Variants in SORCS1 observed in about 807,000 individuals in gnomAD.
SORCS1 encodes the protein VPS10 domain-containing receptor SorCS1.
A neutral mutation model predicts 146.1 loss-of-function variants in SORCS1; 60 were observed. That is an observed-to-expected ratio of 0.41 (90% CI 0.33 to 0.51). The LOEUF is 0.51. Ranked by LOEUF, SORCS1 falls within the 20% of genes least tolerant of loss-of-function variation. The probability of loss-of-function intolerance (pLI) is 0.21; values close to 1 mark genes in which losing one functional copy is unlikely to be tolerated. For missense variants in SORCS1, 1,352 were observed against 1,487.6 expected, an observed-to-expected ratio of 0.91 and a Z score of 1.50; for synonymous variants, 637 against 584.0, an observed-to-expected ratio of 1.09 and a Z score of -1.31.
chr10:107,065,284 C>T lies in SORCS1; in HGVS notation c.558+98685G>A, dbSNP rs140171780. Among the ~76,000 whole-genome samples the T allele has an allele frequency of 6.3e-4, 96 of 152,196 alleles. 1 individual carries two copies. The Middle Eastern group carries it at 0.041, about 65-fold the overall frequency. ...AGCCTAAGCGAGCTTTGCACACACT[C>T]GGTATCCCTAACTAATGTTTTGGCT... On this transcript the variant is annotated intron_variant, in intron 1 of 25. Transcript: ENST00000263054.
At chr10:106,930,260 C>T (rs1388651083) in intron 2 of SORCS1, among the ~76,000 whole-genome samples, 1 of 150,646 alleles carries the variant, frequency 6.6e-6, no homozygotes, top group African/African-American at 2.4e-5. Flanking sequence ...CCAGCCTGGG[C>T]GACAGAGCGA....
At chr10:107,129,971 G>A (rs916055811) in intron 1 of SORCS1, among the ~76,000 whole-genome samples, 2 of 152,156 alleles carry the variant, frequency 1.3e-5, no homozygotes, top group South Asian at 4.1e-4. Flanking sequence ...CCTTACAGAG[G>A]ATCCACCTCA....
chr10:106,811,772 C>G (rs1175797190), intron 3 of SORCS1, among the ~76,000 whole-genome samples: 1 of 152,146 alleles, frequency 6.6e-6, no homozygotes, highest in Non-Finnish European at 1.5e-5. Context: ...CTATTAACTC[C>G]CAGGCACCCT....
intron 4 of SORCS1, among the ~76,000 whole-genome samples, chr10:106,765,636 G>A (rs763922028): frequency 6.6e-6 from 1 of 152,046 alleles, no homozygotes; most frequent in Non-Finnish European, 1.5e-5. Context: ...GAAAGAATGG[G>A]ATGCACTGGT....
chr10:107,122,767 C>T (rs890202487), intron 1 of SORCS1, among the ~76,000 whole-genome samples: 7 of 152,166 alleles, frequency 4.6e-5, no homozygotes, highest in African/African-American at 1.7e-4. Context: ...TAGCACTTGT[C>T]TTCTCTTCTG....
Position 107,163,952 on chromosome 10 carries a change from A to G in SORCS1, c.558+17T>C, listed in dbSNP as rs1475425867. On this transcript the variant is annotated intron_variant, in intron 1 of 25. Transcript: ENST00000263054. Reference sequence around the variant, plus strand: ...TCCATCTTTCCACCCCTTTACCCTCAGTCCCATTCTACTCACGCTGCTGTT... The same window carrying G: ...TCCATCTTTCCACCCCTTTACCCTCGGTCCCATTCTACTCACGCTGCTGTT... The G allele has an allele frequency of 1.9e-6, 3 of 1,604,236 alleles. No individual in the cohort carries two copies. The highest frequency in any genetic ancestry group is 2.2e-5 in the South Asian group (2 of 90,240).
At chr10:107,106,321 A>C (rs1965301515) in intron 1 of SORCS1, among the ~76,000 whole-genome samples, 1 of 152,228 alleles carries the variant, frequency 6.6e-6, no homozygotes, top group Non-Finnish European at 1.5e-5. Context: ...TGAGTATCTC[A>C]TTCTGGTATT....
At chr10:107,036,730 G>A (rs374899454) in intron 1 of SORCS1, among the ~76,000 whole-genome samples, 2 of 152,150 alleles carry the variant, frequency 1.3e-5, no homozygotes, top group Admixed American at 6.5e-5. Context: ...TTTAAGCAGC[G>A]CTTCCTTCTC....
At chr10:106,899,995 C>A (rs952919811) in intron 2 of SORCS1, among the ~76,000 whole-genome samples, 1 of 151,816 alleles carries the variant, frequency 6.6e-6, no homozygotes, top group East Asian at 1.9e-4. Flanking sequence ...ATGAGATGTC[C>A]ATCTCTTCCT....
At chr10:106,974,855 A>C (rs1955928160) in intron 1 of SORCS1, among the ~76,000 whole-genome samples, 1 of 152,220 alleles carries the variant, frequency 6.6e-6, no homozygotes, top group African/African-American at 2.4e-5. Flanking sequence ...GGGCGGAAAC[A>C]AAACAGTTCC....
At chr10:106,636,903 G>A (rs1297459201) in intron 18 of SORCS1, among the ~76,000 whole-genome samples, 1 of 152,142 alleles carries the variant, frequency 6.6e-6, no homozygotes, top group Admixed American at 6.6e-5. Context: ...TTCCCAGATG[G>A]GTGCTAAAGA....
At chr10:106,812,052 G>A (rs1947486727) in intron 3 of SORCS1, among the ~76,000 whole-genome samples, 1 of 152,150 alleles carries the variant, frequency 6.6e-6, no homozygotes, top group African/African-American at 2.4e-5. Flanking sequence ...CCAGGCTGGA[G>A]TGCAGTGGCC....
chr10:106,958,615 A>G (rs1187919989), intron 1 of SORCS1, among the ~76,000 whole-genome samples: 1 of 151,898 alleles, frequency 6.6e-6, no homozygotes, highest in East Asian at 1.9e-4. Context: ...AGTACCTGTC[A>G]TCTAAGGCCG....
intron 1 of SORCS1, among the ~76,000 whole-genome samples, chr10:107,026,189 T>C (rs566042804): frequency 4.6e-5 from 7 of 152,230 alleles, no homozygotes; most frequent in Non-Finnish European, 7.3e-5. Context: ...AGAAAGTTTA[T>C]AACAAGATGG....
At chr10:106,851,466 T>C (rs1365726383) in intron 2 of SORCS1, among the ~76,000 whole-genome samples, 1 of 152,224 alleles carries the variant, frequency 6.6e-6, no homozygotes, top group Non-Finnish European at 1.5e-5. Flanking sequence ...AAAAGACTTT[T>C]CCTCATTGCA....
At chr10:106,813,428 C>T (rs556792005) in intron 3 of SORCS1, among the ~76,000 whole-genome samples, 66 of 151,828 alleles carry the variant, frequency 4.3e-4, no homozygotes, top group Middle Eastern at 3.4e-3. Flanking sequence ...CCACCGCGCC[C>T]GGCCTGACAG....
chr10:106,949,256 G>C (rs147976527), intron 2 of SORCS1, among the ~76,000 whole-genome samples: 1 of 152,108 alleles, frequency 6.6e-6, no homozygotes, highest in Non-Finnish European at 1.5e-5. Context: ...TTCTTTTTAG[G>C]ATGTGCATAT....
chr10:107,027,107 T>A (rs1202604101), intron 1 of SORCS1, among the ~76,000 whole-genome samples: 4 of 148,906 alleles, frequency 2.7e-5, no homozygotes, highest in Non-Finnish European at 5.9e-5. Flanking sequence ...TATATGTATA[T>A]ATAAAATGGA....
chr10:106,822,802 T>TTTTG (rs994708912), intron 3 of SORCS1, among the ~76,000 whole-genome samples: 8 of 140,196 alleles, frequency 5.7e-5, no homozygotes, highest in African/African-American at 2.3e-4. Flanking sequence ...TTTTTTTTTT[T>TTTTG]GAATATTGCT....
Sources: allele counts gnomAD v4.1 joint callset (sites outside exome capture counted in the v4.1 genomes callset), GRCh38; gene constraint gnomAD v4.1.1; transcripts MANE v1.5; gene names NCBI Gene and HGNC (gene_info 2026-07-23, HGNC 2026-07-21).